Variants in DDX10 observed in about 807,000 individuals in gnomAD.
DDX10 encodes probable ATP-dependent RNA helicase DDX10.
A neutral mutation model predicts 104.3 loss-of-function variants in DDX10; 74 were observed. The observed-to-expected ratio is 0.71, with a 90% CI of 0.59 to 0.86. The LOEUF (loss-of-function observed/expected upper bound fraction) is 0.86. DDX10 is among the 40% of genes least tolerant of loss of function. The pLI, the probability that DDX10 is intolerant of heterozygous loss-of-function variation, is 0.00. For synonymous variants in DDX10, 351 were observed against 353.4 expected (o/e 0.99, Z 0.08); for missense variants, 952 against 1,040.0 (o/e 0.92, Z 1.16).
intron 7 of DDX10, among the ~76,000 whole-genome samples, chr11:108,689,832 A>G (rs1362910706): frequency 1.3e-5 from 2 of 152,198 alleles, no homozygotes; most frequent in African/African-American, 2.4e-5. Flanking sequence ...ACTTTCCATG[A>G]TAAATATGTA....
At chr11:108,927,464 T>C (rs1565321593) in intron 17 of DDX10, among the ~76,000 whole-genome samples, 1 of 152,142 alleles carries the variant, frequency 6.6e-6, no homozygotes, top group Non-Finnish European at 1.5e-5. Flanking sequence ...TTTTATAACT[T>C]AATTATTGGA....
At chr11:108,717,296 A>C (rs1278023910) in intron 11 of DDX10, among the ~76,000 whole-genome samples, 1 of 152,178 alleles carries the variant, frequency 6.6e-6, no homozygotes, top group Non-Finnish European at 1.5e-5. Context: ...ATTCCTGGCA[A>C]AGAAGTAAGT....
intron 16 of DDX10, among the ~76,000 whole-genome samples, chr11:108,883,035 G>A (rs1863247748): frequency 1.3e-5 from 2 of 152,078 alleles, no homozygotes; most frequent in South Asian, 4.1e-4. Flanking sequence ...GGCTTTAAAG[G>A]AGCAGGAAAG....
At chr11:108,802,188 A>AT (rs958906005) in intron 13 of DDX10, among the ~76,000 whole-genome samples, 14 of 151,488 alleles carry the variant, frequency 9.2e-5, no homozygotes, top group Middle Eastern at 3.4e-3. Flanking sequence ...TGGGTTTTGG[A>AT]TTTTTTTTTA....
At chr11:108,729,891 TCCCAACTA>T (rs1341805339) in intron 13 of DDX10, 3 of 152,384 alleles carry the variant, frequency 2.0e-5, no homozygotes, top group Admixed American at 6.5e-5. Flanking sequence ...TAGAATACCT[TCCCAACTA>T]CTAGTAAGCT....
intron 16 of DDX10, among the ~76,000 whole-genome samples, chr11:108,910,190 T>C (rs578177404): frequency 1.2e-4 from 19 of 152,192 alleles, no homozygotes; most frequent in Non-Finnish European, 2.5e-4. Context: ...ATACACTTGA[T>C]ACTGGAAAAA....
chr11:108,789,619 A>G (rs1232426116), intron 13 of DDX10, among the ~76,000 whole-genome samples: 1 of 152,212 alleles, frequency 6.6e-6, no homozygotes, highest in African/African-American at 2.4e-5. Context: ...GTCCTTTGTC[A>G]GCAGAATGAC....
At chr11:108,721,509 A>T (rs1042921305) in intron 12 of DDX10, among the ~76,000 whole-genome samples, 4 of 152,160 alleles carry the variant, frequency 2.6e-5, no homozygotes, top group Admixed American at 1.3e-4. Context: ...TATTTAGGGG[A>T]CCATTTGTTG....
chr11:108,779,658 TAAAGTA>T (rs1459638179), intron 13 of DDX10, among the ~76,000 whole-genome samples: 4 of 151,962 alleles, frequency 2.6e-5, no homozygotes, highest in Admixed American at 6.6e-5. Context: ...CCCTAGAACT[TAAAGTA>T]AAATAAAAAA....
At chr11:108,900,580 A>G (rs191195809) in intron 16 of DDX10, among the ~76,000 whole-genome samples, 89 of 152,310 alleles carry the variant, frequency 5.8e-4, no homozygotes, top group Non-Finnish European at 7.4e-4. Flanking sequence ...AGTTATTAAT[A>G]CCATTTTATT....
intron 16 of DDX10, among the ~76,000 whole-genome samples, chr11:108,872,947 C>T (rs575723931): frequency 1.3e-4 from 20 of 151,798 alleles, no homozygotes; most frequent in African/African-American, 3.9e-4. Context: ...GAATTACCCT[C>T]GTTAAATATG....
intron 13 of DDX10, among the ~76,000 whole-genome samples, chr11:108,795,959 G>A (rs1362622186): frequency 6.6e-6 from 1 of 152,122 alleles, no homozygotes; most frequent in Admixed American, 6.5e-5. Flanking sequence ...ACTTGTGGGA[G>A]GGTTTTTAAA....
chr11:108,764,561 A>C (rs2094354252), intron 13 of DDX10, among the ~76,000 whole-genome samples: 1 of 152,092 alleles, frequency 6.6e-6, no homozygotes, highest in South Asian at 2.1e-4. Flanking sequence ...CCCAGCTATT[A>C]GGGAGGTTGA....
chr11:108,747,738 T>G (rs57484308), intron 13 of DDX10, among the ~76,000 whole-genome samples: 21,296 of 152,158 alleles, frequency 0.14, 1,624 homozygotes, highest in East Asian at 0.25. Flanking sequence ...AAATCCATCC[T>G]CCAACATAGT....
At chr11:108,766,580 G>A (rs1288589639) in intron 13 of DDX10, among the ~76,000 whole-genome samples, 2 of 151,016 alleles carry the variant, frequency 1.3e-5, no homozygotes, top group Non-Finnish European at 2.9e-5. Flanking sequence ...GAGTAAACTT[G>A]TATTGTAATA....
chr11:108,880,372 G>A (rs1224753142), intron 16 of DDX10, among the ~76,000 whole-genome samples: 3 of 152,170 alleles, frequency 2.0e-5, no homozygotes, highest in African/African-American at 4.8e-5. Flanking sequence ...CACATTGGGG[G>A]TTAGGGCTTC....
chr11:108,883,314 G>T (rs955116423), intron 16 of DDX10, among the ~76,000 whole-genome samples: 5 of 152,092 alleles, frequency 3.3e-5, no homozygotes, highest in South Asian at 2.1e-4. Flanking sequence ...AGTAATTCAA[G>T]ATATTATTTT....
Position 108,700,474 on chromosome 11 carries a change from C to T in DDX10, c.1224-6265C>T, listed in dbSNP as rs558580426. On this transcript the variant is annotated intron_variant, in intron 9 of 17. Transcript: ENST00000322536. ...ACATCTAATGGATTACATCTAATAG[C>T]GCAGACCTGCAGCTCCCATGCAGGG... Among the ~76,000 whole-genome samples the T allele has an allele frequency of 3.3e-5, 5 of 152,296 alleles. No individual in the cohort carries two copies. The East Asian group carries it at 7.7e-4, about 23-fold the overall frequency.
chr11:108,665,461 G>A (rs1246753710), intron 1 of DDX10, 122 bp downstream of exon 1: 6 of 1,144,728 alleles, frequency 5.2e-6, no homozygotes, highest in East Asian at 5.5e-5. Context: ...GGAATGAGAG[G>A]TCACGCCGGG....
Sources: allele counts gnomAD v4.1 joint callset (sites outside exome capture counted in the v4.1 genomes callset), GRCh38; gene constraint gnomAD v4.1.1; transcripts MANE v1.5; gene names NCBI Gene and HGNC (gene_info 2026-07-23, HGNC 2026-07-21).